The following ENDOV variants were observed in gnomAD, a reference collection of about 807,000 sequenced individuals.
ENDOV encodes endonuclease V, also known as hEndoV.
In ENDOV, 37 loss-of-function variants were observed where a neutral mutation model predicts 39.4. That is an observed-to-expected ratio of 0.94 (90% CI 0.72 to 1.23). The LOEUF (loss-of-function observed/expected upper bound fraction) is 1.23. Among genes scored for constraint, ENDOV ranks in the 50% most tolerant of loss-of-function variants. The probability of loss-of-function intolerance (pLI) is 0.00; values close to 1 mark genes in which losing one functional copy is unlikely to be tolerated. For missense variants in ENDOV, 441 were observed against 375.7 expected (o/e 1.17, Z -1.44); for synonymous variants, 186 against 163.4 (o/e 1.14, Z -1.05).
chr17:80,418,274 T>G (rs950684561), intron 2 of ENDOV: 2 of 152,234 alleles, frequency 1.3e-5, no homozygotes, highest in African/African-American at 4.8e-5. Flanking sequence ...ATGAAATGCA[T>G]GGAAAGCAGT....
chr17:80,415,660 C>A lies in ENDOV; in HGVS notation c.67C>A (p.Arg23=). 1 of 1,612,376 alleles carries A rather than the reference C, an allele frequency of 6.2e-7. No homozygotes were observed. ...CTTCTGTCCTCCTAGGGAGCAAGCT[C>A]GGCTGAAGGCCCACGTCGTAGACCG... is the stretch of plus-strand genomic sequence containing the variant. The part of the protein sequence containing the change: ...TLSLWKREQA[R]LKAHVVDRDT... Residue 23 remains arginine, a synonymous_variant, in exon 2 of 10, where the codon CGG becomes AGG. Coordinates refer to ENST00000518137, the MANE Select transcript of ENDOV (RefSeq NM_173627.5).
At chr17:80,430,228 C>T in intron 9 of ENDOV, 7 of 1,471,706 alleles carry the variant, frequency 4.8e-6, no homozygotes, top group Non-Finnish European at 6.3e-6. Flanking sequence ...CCTGAGAGCG[C>T]ATGAGACGCT....
chr17:80,422,226 C>T lies in ENDOV; in HGVS notation c.384C>T (p.Asn128=), dbSNP rs561209273. 45 of 1,613,616 alleles carry T rather than the reference C, an allele frequency of 2.8e-5. No homozygotes were observed. Among genetic ancestry groups the T allele is most frequent in the South Asian group, 6.6e-5 (6 of 91,026 alleles). ...LMPQVLLVDG[N]GVLHHRGFGV... is the part of the protein sequence containing the mutation. Reference sequence around the variant, plus strand: ...CATAGGTCCTTCTTGTGGATGGAAACGGGGTACTCCACCACCGAGGTAATC... The same window carrying T: ...CATAGGTCCTTCTTGTGGATGGAAATGGGGTACTCCACCACCGAGGTAATC... The change falls in exon 4 of 10, where the codon AAC becomes AAT. Residue 128 remains asparagine (N), a synonymous_variant. Transcript: ENST00000518137.
Position 80,415,452 on chromosome 17 carries a change from C to T in ENDOV, c.57-198C>T. The T allele has an allele frequency of 6.1e-6, 6 of 986,380 alleles. No homozygotes were observed. In the South Asian group the frequency reaches 8.5e-5, roughly 14 times the overall value. The allele number at this position is 986,380 out of a possible 1,614,324, so 61.1% of individuals were successfully genotyped here. On this transcript the variant is annotated intron_variant, in intron 1 of 9. Coordinates refer to ENST00000518137, the MANE Select transcript of ENDOV (RefSeq NM_173627.5). ...GGTGGGCGCGGTTCTCGCTTCCGGC[C>T]AGTTTGTCTGGCCTGCGCTTGCGCG...
intron 2 of ENDOV, chr17:80,419,318 C>T: frequency 4.6e-6 from 2 of 434,188 alleles, no homozygotes; most frequent in Non-Finnish European, 8.3e-6. Context: ...CACTGGCCTG[C>T]TTTTCCCACC....
rs1568261108 is a variant in ENDOV at position 80,436,164 on chromosome 17, GTCC to G, written c.*24_*26del. On this transcript the variant is annotated 3_prime_UTR_variant, in exon 10 of 10. Coordinates refer to ENST00000518137, the MANE Select transcript of ENDOV (RefSeq NM_173627.5). The stretch of plus-strand genomic sequence containing the variant: ...GTTGAACGTGGTGGTGAGAGCACAC[GTCC>G]TCGTCTCATTCCTGATCGAACGCGG... 6.2e-7 allele frequency: 1 copy of G among 1,602,758 alleles called. No individual in the cohort carries two copies. Among genetic ancestry groups the G allele is most frequent in the East Asian group, 2.3e-5 (1 of 44,338 alleles).
chr17:80,418,509 C>G (rs893620175), intron 2 of ENDOV: 1 of 152,188 alleles, frequency 6.6e-6, no homozygotes, highest in Non-Finnish European at 1.5e-5. Context: ...CCTGCTACTT[C>G]GTCGGTATTC....
chr17:80,436,522 T>A lies in ENDOV; in HGVS notation c.*379T>A. On this transcript the variant is annotated 3_prime_UTR_variant, in exon 10 of 10. Transcript: ENST00000518137. ...TGTCAAATGCTTTTCTGGCCTCTATTGAAAAGATCCTGTGTTCTTCTGTGA... is the reference window on the plus strand; with the variant it reads ...TGTCAAATGCTTTTCTGGCCTCTATAGAAAAGATCCTGTGTTCTTCTGTGA... 2 of 435,182 alleles carry A rather than the reference T, an allele frequency of 4.6e-6. No homozygotes were observed. Among genetic ancestry groups the A allele is most frequent in the Non-Finnish European group, 7.7e-6 (2 of 259,806 alleles). The allele number at this position is 435,182 out of a possible 1,614,324, so 27.0% of individuals were successfully genotyped here.
intron 4 of ENDOV, among the ~76,000 whole-genome samples, chr17:80,422,604 G>A (rs1342635792): frequency 6.6e-6 from 1 of 152,258 alleles, no homozygotes. Context: ...CGCCCAACCT[G>A]CATGGCCCGT....
At position 80,425,498 on chromosome 17, in the gene ENDOV, A is replaced by T; in HGVS notation, c.592A>T (p.Arg198Trp). 6.3e-7 allele frequency: 1 copy of T among 1,597,004 alleles called. No homozygotes were observed. The highest frequency in any genetic ancestry group is 8.5e-7 in the Non-Finnish European group (1 of 1,175,890). Residue 198 changes from arginine to tryptophan, a missense_variant, in exon 7 of 10, where the codon AGG becomes TGG. Transcript: ENST00000518137. ...DSGTVLGMALRSHDRSTRPLY... is the reference protein window; with the variant it reads ...DSGTVLGMALWSHDRSTRPLY... Reference sequence around the variant, plus strand: ...CTCGCCTTCCTTGTCACAGGCCCTGAGGAGCCACGACCGCAGCACCAGGCC... The same window carrying T: ...CTCGCCTTCCTTGTCACAGGCCCTGTGGAGCCACGACCGCAGCACCAGGCC...
intron 2 of ENDOV, among the ~76,000 whole-genome samples, chr17:80,421,318 C>T (rs925607141): frequency 2.1e-5 from 3 of 144,966 alleles, no homozygotes; most frequent in African/African-American, 5.1e-5. Context: ...GACCAGATCC[C>T]GGGGAATCCT....
chr17:80,415,939 T>A, intron 2 of ENDOV, 118 bp downstream of exon 2: 1 of 1,334,108 alleles, frequency 7.5e-7, no homozygotes, highest in Non-Finnish European at 1.0e-6. Flanking sequence ...AGGATGTCAT[T>A]AATAGTCTGG....
chr17:80,428,694 G>T (rs1191635587), intron 8 of ENDOV, 34 bp downstream of exon 8: 2 of 1,551,554 alleles, frequency 1.3e-6, no homozygotes, highest in African/African-American at 1.4e-5. Flanking sequence ...CACTAAAGGG[G>T]CATCTCACAG....
intron 9 of ENDOV, among the ~76,000 whole-genome samples, chr17:80,432,252 C>G (rs917033372): frequency 6.6e-6 from 1 of 152,098 alleles, no homozygotes; most frequent in Non-Finnish European, 1.5e-5. Flanking sequence ...ACTCGGTACA[C>G]TCCTAATAAA....
intron 5 of ENDOV, 63 bp downstream of exon 5, chr17:80,423,695 G>T (rs1273271273): frequency 2.7e-6 from 4 of 1,477,508 alleles, no homozygotes; most frequent in Non-Finnish European, 2.8e-6. Flanking sequence ...GGTGGCCCTG[G>T]GCATGAGGAC....
At chr17:80,423,320 C>T (rs995491305) in intron 4 of ENDOV, among the ~76,000 whole-genome samples, 200 bp from the exon 5 acceptor site, 2 of 152,382 alleles carry the variant, frequency 1.3e-5, no homozygotes, top group South Asian at 2.1e-4. Flanking sequence ...GCTTCCTCCA[C>T]GGCCTTGCAC....
chr17:80,416,013 G>GA (rs908901275), intron 2 of ENDOV, 192 bp downstream of exon 2: 25 of 607,734 alleles, frequency 4.1e-5, no homozygotes, highest in Non-Finnish European at 5.7e-5. Flanking sequence ...TGAGGCGGGG[G>GA]AATCACCTGA....
intron 5 of ENDOV, chr17:80,424,409 C>T (rs1320929670): frequency 5.0e-6 from 2 of 399,388 alleles, no homozygotes; most frequent in Non-Finnish European, 8.8e-6. Context: ...CAGCACCCAT[C>T]ACTGGGCAGT....
At chr17:80,421,722 G>T in intron 2 of ENDOV, 106 bp from the exon 3 acceptor site, 1 of 1,416,646 alleles carries the variant, frequency 7.1e-7, no homozygotes, top group South Asian at 1.3e-5. Flanking sequence ...CCATGAGGGT[G>T]ACGTAAGGGA....
Sources: gnomAD v4.1 joint callset for allele counts (sites outside exome capture counted in the v4.1 genomes callset) on GRCh38, gnomAD v4.1.1 for gene constraint, MANE v1.5 for transcripts, NCBI Gene and HGNC (gene_info 2026-07-23, HGNC 2026-07-21) for gene names.